ZMYM4: variants seen among roughly 807,000 people sequenced by gnomAD.
The protein encoded by ZMYM4 is zinc finger MYM-type containing 4.
A neutral mutation model predicts 183.2 loss-of-function variants in ZMYM4; 31 were observed. That is an observed-to-expected ratio of 0.17 (90% confidence interval 0.13 to 0.23). The LOEUF is 0.23. Among genes scored for constraint, ZMYM4 ranks in the 10% least tolerant of loss-of-function variants. ZMYM4 has a pLI of 1.00. For missense variants in ZMYM4, 1,273 were observed against 1,840.3 expected (o/e 0.69, Z 5.64); for synonymous variants, 592 against 631.2 (o/e 0.94, Z 0.93).
chr1:35,290,555 C>CTAGG (rs1640711776), intron 1 of ZMYM4, among the ~76,000 whole-genome samples: 1 of 152,092 alleles, frequency 6.6e-6, no homozygotes. Flanking sequence ...CCTGCCTCTC[C>CTAGG]AATAGCTAGG....
At chr1:35,368,071 C>CA (rs57957441) in intron 5 of ZMYM4, among the ~76,000 whole-genome samples, 2 of 141,910 alleles carry the variant, frequency 1.4e-5, no homozygotes, top group African/African-American at 5.2e-5. Flanking sequence ...GCCCCCCCCC[C>CA]ACCCATTTTT....
At position 35,385,600 on chromosome 1, in the gene ZMYM4, T is replaced by TG; in HGVS notation, c.1720+10dup. 1 of 1,580,088 alleles carries TG rather than the reference T, an allele frequency of 6.3e-7. No individual in the cohort carries two copies. The highest frequency in any genetic ancestry group is 8.6e-7 in the Non-Finnish European group (1 of 1,168,208). On this transcript the variant is annotated intron_variant, in intron 10 of 29. Coordinates refer to ENST00000314607, the MANE Select transcript of ZMYM4 (RefSeq NM_005095.3). ...AAATGGTTACTTCTGCAGGTAATAT[T>TG]GGTTTCACAAACTATGAAATGCAAT...
chr1:35,354,837 G>GT (rs1643757340), intron 2 of ZMYM4, among the ~76,000 whole-genome samples: 2 of 149,298 alleles, frequency 1.3e-5, no homozygotes, highest in Admixed American at 1.3e-4. Context: ...TTTTGTACCA[G>GT]TTTGCATTCC....
intron 1 of ZMYM4, among the ~76,000 whole-genome samples, chr1:35,274,813 G>T (rs1639791006): frequency 6.6e-6 from 1 of 151,866 alleles, no homozygotes; most frequent in Non-Finnish European, 1.5e-5. Flanking sequence ...CACAATTATT[G>T]TCCCATTTTA....
chr1:35,331,146 A>G (rs539299637), intron 2 of ZMYM4, among the ~76,000 whole-genome samples: 1 of 152,300 alleles, frequency 6.6e-6, no homozygotes, highest in East Asian at 1.9e-4. Flanking sequence ...TTTTGTTTAC[A>G]TGGTCTTTTG....
At chr1:35,340,865 A>G (rs1442478593) in intron 2 of ZMYM4, among the ~76,000 whole-genome samples, 2 of 152,026 alleles carry the variant, frequency 1.3e-5, no homozygotes, top group Non-Finnish European at 2.9e-5. Flanking sequence ...AAGGATTATC[A>G]TGCAAGCTCT....
Position 35,397,565 on chromosome 1 carries a change from G to C in ZMYM4, c.3199+20G>C. 6.4e-7 allele frequency: 1 copy of C among 1,566,662 alleles called. No individual in the cohort carries two copies. Among genetic ancestry groups the C allele is most frequent in the Non-Finnish European group, 8.6e-7 (1 of 1,162,092 alleles). Reference sequence around the variant, plus strand: ...AGGGAGGTTGGTATACTCTTTAAAAGTAAAGAAAGAAAAAACACGTTTTAC... The same window carrying C: ...AGGGAGGTTGGTATACTCTTTAAAACTAAAGAAAGAAAAAACACGTTTTAC... On this transcript the variant is annotated intron_variant, in intron 20 of 29. Transcript: ENST00000314607.
chr1:35,344,879 A>G (rs1558043660), intron 2 of ZMYM4, among the ~76,000 whole-genome samples: 1 of 152,232 alleles, frequency 6.6e-6, no homozygotes, highest in Non-Finnish European at 1.5e-5. Context: ...ATATTTGCTT[A>G]AAGAGTTCAT....
intron 21 of ZMYM4, 55 bp downstream of exon 21, chr1:35,398,521 C>T (rs1644848275): frequency 6.8e-7 from 1 of 1,467,938 alleles, no homozygotes; most frequent in Middle Eastern, 1.8e-4. Flanking sequence ...CTGTTAGAAA[C>T]CTATAAAATA....
rs550669996 is a variant in ZMYM4, at chr1:35,341,652, A to G, written c.85+16247A>G. On this transcript the variant is annotated intron_variant, in intron 2 of 29. Coordinates refer to ENST00000314607, the MANE Select transcript of ZMYM4 (RefSeq NM_005095.3). ...TAGTTATGCATTATAAAGCCATATC[A>G]TCTAAAACTATTTTATTTCTTTTTT... 4.6e-5 allele frequency among the ~76,000 whole-genome samples: 7 copies of G among 152,142 alleles called. No homozygotes were observed. The East Asian group carries it at 9.6e-4, about 21-fold the overall frequency.
At chr1:35,304,638 ATT>A (rs150115066) in intron 1 of ZMYM4, among the ~76,000 whole-genome samples, 6 of 121,672 alleles carry the variant, frequency 4.9e-5, no homozygotes, top group South Asian at 2.6e-4. Flanking sequence ...TTTTTTTTGT[ATT>A]TTTTTTTTTT....
chr1:35,387,102 G>A lies in ZMYM4; in HGVS notation c.1936G>A (p.Gly646Arg), dbSNP rs763234494. ...SIPTGSTVSA[G>R]GGSTSAVSPT... Reference sequence around the variant, plus strand: ...CCCCACAGGTTCCACAGTGTCAGCCGGAGGAGGTAGCACATCTGCTGTTTC... The same window carrying A: ...CCCCACAGGTTCCACAGTGTCAGCCAGAGGAGGTAGCACATCTGCTGTTTC... The change falls in exon 12 of 30, where the codon GGA becomes AGA. Residue 646 changes from glycine (G) to arginine (R), a missense_variant. Coordinates refer to ENST00000314607, the MANE Select transcript of ZMYM4 (RefSeq NM_005095.3). The A allele has an allele frequency of 6.2e-7, 1 of 1,614,246 alleles. No individual in the cohort carries two copies. The highest frequency in any genetic ancestry group is 1.7e-5 in the Admixed American group (1 of 60,034).
At chr1:35,269,468 A>G (rs540290683) in intron 1 of ZMYM4, among the ~76,000 whole-genome samples, 2 of 151,186 alleles carry the variant, frequency 1.3e-5, no homozygotes, top group Admixed American at 1.3e-4. Flanking sequence ...GGTGGCGGGA[A>G]TAAGTCGTGG....
chr1:35,394,038 A>G (rs1012489444), intron 18 of ZMYM4, among the ~76,000 whole-genome samples: 1 of 152,124 alleles, frequency 6.6e-6, no homozygotes, highest in East Asian at 1.9e-4. Flanking sequence ...TTACATGGAC[A>G]GGCTTCTAAG....
At chr1:35,346,408 T>C (rs1207360390) in intron 2 of ZMYM4, among the ~76,000 whole-genome samples, 1 of 152,096 alleles carries the variant, frequency 6.6e-6, no homozygotes, top group African/African-American at 2.4e-5. Context: ...CCCAGCACTT[T>C]GGGAGGCTGA....
intron 7 of ZMYM4, among the ~76,000 whole-genome samples, chr1:35,379,480 C>T (rs1644405297): frequency 6.6e-6 from 1 of 152,234 alleles, no homozygotes; most frequent in East Asian, 1.9e-4. Context: ...AGTTGATCCG[C>T]CCGCCTCGGC....
intron 2 of ZMYM4, among the ~76,000 whole-genome samples, chr1:35,340,269 A>T (rs1367953140): frequency 6.6e-6 from 1 of 151,956 alleles, no homozygotes; most frequent in African/African-American, 2.4e-5. Context: ...CAATTTTATA[A>T]TTTACTCTGT....
chr1:35,380,298 A>ATTAT (rs765084132), intron 7 of ZMYM4, among the ~76,000 whole-genome samples: 49 of 151,722 alleles, frequency 3.2e-4, no homozygotes, highest in African/African-American at 7.5e-4. Flanking sequence ...ATTGGTTTTT[A>ATTAT]TTATTTATTT....
intron 1 of ZMYM4, among the ~76,000 whole-genome samples, chr1:35,282,416 G>C (rs904402618): frequency 6.6e-6 from 1 of 152,196 alleles, no homozygotes; most frequent in African/African-American, 2.4e-5. Flanking sequence ...CACCAGAATT[G>C]TGAGCTACAT....
Sources: gnomAD v4.1 joint callset for allele counts (sites outside exome capture counted in the v4.1 genomes callset) on GRCh38, gnomAD v4.1.1 for gene constraint, MANE v1.5 for transcripts, NCBI Gene and HGNC (gene_info 2026-07-23, HGNC 2026-07-21) for gene names.